Variants in FGFR2 observed in about 807,000 individuals in gnomAD.
FGFR2 encodes fibroblast growth factor receptor 2, also known as BEK fibroblast growth factor receptor.
Under a neutral mutation model 95.9 loss-of-function variants are expected in FGFR2, and 19 were observed. The observed-to-expected ratio is 0.20, with a 90% CI of 0.14 to 0.29. The LOEUF (loss-of-function observed/expected upper bound fraction) is 0.29, where lower values mean the gene tolerates loss of function less well. Among genes scored for constraint, FGFR2 ranks in the 10% least tolerant of loss-of-function variants. FGFR2 has a pLI of 1.00. For synonymous variants in FGFR2, 392 were observed against 393.3 expected, an observed-to-expected ratio of 1.00 and a Z score of 0.04; for missense variants, 707 against 1,056.9, an observed-to-expected ratio of 0.67 and a Z score of 4.59.
intron 6 of FGFR2, among the ~76,000 whole-genome samples, chr10:121,525,624 GGA>G (rs3035990): frequency 0.013 from 1,956 of 149,302 alleles, 40 homozygotes; most frequent in African/African-American, 0.043. Flanking sequence ...CATTATTGAG[GGA>G]GAGAGAGAGA....
At chr10:121,532,639 C>A (rs1852243901) in intron 6 of FGFR2, among the ~76,000 whole-genome samples, 1 of 152,186 alleles carries the variant, frequency 6.6e-6, no homozygotes, top group South Asian at 2.1e-4. Flanking sequence ...AGCTATCACA[C>A]TGGAGCCTTT....
intron 13 of FGFR2, among the ~76,000 whole-genome samples, chr10:121,491,458 A>G (rs1273775577): frequency 6.6e-6 from 1 of 152,210 alleles, no homozygotes; most frequent in Non-Finnish European, 1.5e-5. Context: ...CAACATCCCT[A>G]TGATGTAGAC....
chr10:121,551,988 G>A lies in FGFR2; in HGVS notation c.455-529C>T, dbSNP rs3135741. On this transcript the variant is annotated intron_variant, in intron 4 of 17. Transcript: ENST00000358487. The stretch of plus-strand genomic sequence containing the variant: ...AATAAAATAACCCAGAGAGTCATTC[G>A]TACATTTCTCAGAACTTATATACAA... Among the ~76,000 whole-genome samples, 53 of 149,994 alleles carry A rather than the reference G, an allele frequency of 3.5e-4. 2 individuals carry two copies. The highest frequency in any genetic ancestry group is 3.5e-3 in the Admixed American group (52 of 14,894).
intron 2 of FGFR2, among the ~76,000 whole-genome samples, chr10:121,589,526 T>C (rs1347078673): frequency 6.6e-6 from 1 of 152,218 alleles, no homozygotes; most frequent in Non-Finnish European, 1.5e-5. Flanking sequence ...GCCATTGGCA[T>C]AGTAAGTGCT....
chr10:121,520,105 T>C lies in FGFR2; in HGVS notation c.813A>G (p.Gly271=), dbSNP rs761649011. The change falls in exon 7 of 18, where the codon GGA becomes GGG. Residue 271 remains glycine (G), a synonymous_variant. Transcript: ENST00000358487. The part of the protein sequence containing the change: ...GLPANASTVV[G]GDVEFVCKVY... ...CCTTGCAGACAAACTCTACGTCTCC[T>C]CCGACCACTGTGGAGGCATTTGCCG... The C allele has an allele frequency of 1.4e-5, 23 of 1,614,194 alleles. No individual in the cohort carries two copies. The South Asian group carries it at 2.3e-4, about 16-fold the overall frequency.
intron 2 of FGFR2, among the ~76,000 whole-genome samples, chr10:121,578,936 T>G (rs1213953781): frequency 6.6e-6 from 1 of 152,186 alleles, no homozygotes; most frequent in Non-Finnish European, 1.5e-5. Flanking sequence ...AAAAAGATTC[T>G]GGGTCAGTAG....
intron 10 of FGFR2, among the ~76,000 whole-genome samples, chr10:121,502,481 C>A (rs1215075176): frequency 6.6e-6 from 1 of 152,170 alleles, no homozygotes; most frequent in Non-Finnish European, 1.5e-5. Context: ...TCCTAGCTAA[C>A]GGTACACATC....
intron 2 of FGFR2, among the ~76,000 whole-genome samples, chr10:121,572,295 G>A (rs545710148): frequency 2.6e-5 from 4 of 152,066 alleles, no homozygotes; most frequent in East Asian, 3.9e-4. Flanking sequence ...TCCTGCCTGG[G>A]TGACACAGCG....
chr10:121,593,761 G>A lies in FGFR2; in HGVS notation c.57C>T (p.Ser19=), dbSNP rs1238088619. The stretch of plus-strand genomic sequence containing the variant: ...CTAAACTGAAGGAGGGCCGGGCCAG[G>A]GACAAGGTTGCCATGGTGACCACGA... ...CLVVVTMATL[S]LARPSFSLVE... is the part of the protein sequence containing the mutation. Residue 19 remains serine, a synonymous_variant, in exon 2 of 18, where the codon TCC becomes TCT. Transcript: ENST00000358487. 1 of 1,614,178 alleles carries A rather than the reference G, an allele frequency of 6.2e-7. No homozygotes were observed.
intron 2 of FGFR2, among the ~76,000 whole-genome samples, chr10:121,571,450 A>C (rs1431105122): frequency 2.0e-5 from 3 of 151,680 alleles, no homozygotes; most frequent in African/African-American, 7.3e-5. Context: ...GGTGCATGCC[A>C]TCACGCCTGG....
At chr10:121,509,509 TG>T (rs376176094) in intron 9 of FGFR2, among the ~76,000 whole-genome samples, 794 of 56,428 alleles carry the variant, frequency 0.014, 13 homozygotes, top group African/African-American at 0.036. Context: ...TTTTTTTTTT[TG>T]GTTTGAGACA....
intron 6 of FGFR2, chr10:121,538,292 T>G (rs1040155931): frequency 3.8e-5 from 29 of 768,104 alleles, no homozygotes; most frequent in Non-Finnish European, 6.8e-5. Context: ...ACCTGCCCAA[T>G]TAACATTTTC....
rs1259218325 is a variant in FGFR2, at chr10:121,483,787, C to T, written c.2212G>A (p.Asp738Asn). The change falls in exon 17 of 18, where the codon GAC (aspartate) becomes AAC (asparagine). Residue 738 changes from aspartate (D) to asparagine (N), a missense_variant. Asp to Asn is a conservative substitution (Grantham distance 23). Coordinates refer to ENST00000358487, the MANE Select transcript of FGFR2 (RefSeq NM_000141.5). ...CTNELYMMMR[D>N]CWHAVPSQRP... The stretch of plus-strand genomic sequence containing the variant: ...TGGGAGGGCACTGCATGCCAACAGT[C>T]CCTCATCATCATGTACCTGGGAAAA... The T allele has an allele frequency of 6.2e-7, 1 of 1,612,836 alleles. No homozygotes were observed. The highest frequency in any genetic ancestry group is 8.5e-7 in the Non-Finnish European group (1 of 1,179,212).
At chr10:121,513,667 A>C (rs192115960) in intron 9 of FGFR2, among the ~76,000 whole-genome samples, 2 of 152,234 alleles carry the variant, frequency 1.3e-5, no homozygotes, top group Non-Finnish European at 2.9e-5. Context: ...CCTGGCCCCA[A>C]GAAAGATAAT....
rs1407878017 is a variant in FGFR2 at position 121,496,644 on chromosome 10, A to C, written c.1751T>G (p.Met584Arg). Residue 584 changes from methionine (M) to arginine (R), a missense_variant, in exon 13 of 18, where the codon ATG (methionine) becomes AGG (arginine). Met to Arg is a moderately conservative substitution (Grantham distance 91, BLOSUM62 -1). Around this residue, in one of 7 missense-constraint regions of FGFR2, gnomAD observed 37 missense variants for 34.1 expected, o/e 1.09. Coordinates refer to ENST00000358487, the MANE Select transcript of FGFR2 (RefSeq NM_000141.5). ...EYLRARRPPG[M>R]EYSYDINRVP... is the part of the protein sequence containing the mutation. ...ACGGTTAATGTCATAGGAGTACTCC[A>C]TCCCGGGTGGCCTCCGGGCTCGGAG... is the stretch of plus-strand genomic sequence containing the variant. 6.2e-7 allele frequency: 1 copy of C among 1,611,190 alleles called. No individual in the cohort carries two copies. The highest frequency in any genetic ancestry group is 1.7e-5 in the Admixed American group (1 of 59,636).
At chr10:121,540,077 T>C (rs370107952) in intron 5 of FGFR2, among the ~76,000 whole-genome samples, 3 of 152,180 alleles carry the variant, frequency 2.0e-5, no homozygotes, top group African/African-American at 4.8e-5. Context: ...ACTGACAGTC[T>C]TAGAAAGGAT....
In FGFR2 at chr10:121,571,940, T is replaced by A. The variant is rs375892147; in HGVS notation, c.110-6236A>T. ...CCGGGGCAACAAGAGCAAAACTCCA[T>A]CTCAAAAAAAAAATAAAAAAAAAAA... On this transcript the variant is annotated intron_variant, in intron 2 of 17. Coordinates refer to ENST00000358487, the MANE Select transcript of FGFR2 (RefSeq NM_000141.5). Among the ~76,000 whole-genome samples, 3 of 142,086 alleles carry A rather than the reference T, an allele frequency of 2.1e-5. 1 individual carries two copies. 93.2% of individuals were successfully genotyped at this position (142,086 alleles called of 152,430 possible). A position where few individuals can be genotyped will look rare whatever the true frequency, so the allele number is the denominator to read the frequency against.
intron 6 of FGFR2, among the ~76,000 whole-genome samples, chr10:121,533,677 T>C (rs1331312102): frequency 2.0e-5 from 3 of 151,958 alleles, no homozygotes; most frequent in Non-Finnish European, 4.4e-5. Context: ...CAGGGTGGGG[T>C]GACAGCAGCA....
intron 10 of FGFR2, among the ~76,000 whole-genome samples, chr10:121,503,265 C>A: frequency 6.6e-6 from 1 of 152,182 alleles, no homozygotes; most frequent in East Asian, 1.9e-4. Flanking sequence ...TATCATCCAA[C>A]AAGGAAAATA....
Sources: gnomAD v4.1 joint callset for allele counts (sites outside exome capture counted in the v4.1 genomes callset) on GRCh38, gnomAD v4.1.1 for gene constraint, gnomAD v4.1.1 regional missense constraint, MANE v1.5 for transcripts, NCBI Gene and HGNC (gene_info 2026-07-23, HGNC 2026-07-21) for gene names.